YWHAB: variants seen among roughly 807,000 people sequenced by gnomAD.
YWHAB encodes tyrosine 3-monooxygenase/tryptophan 5-monooxygenase activation protein beta.
In YWHAB, 2 loss-of-function variants were observed where a neutral mutation model predicts 28.5. The observed-to-expected ratio is 0.07, with a 90% CI of 0.03 to 0.22. The LOEUF is 0.22. YWHAB is among the 10% of genes least tolerant of loss of function. YWHAB has a pLI of 1.00. For synonymous variants in YWHAB, 103 were observed against 104.7 expected, an observed-to-expected ratio of 0.98 and a Z score of 0.10; for missense variants, 148 against 297.1, an observed-to-expected ratio of 0.50 and a Z score of 3.69.
At chr20:44,898,750 C>G (rs972339155) in intron 1 of YWHAB, among the ~76,000 whole-genome samples, 2 of 152,086 alleles carry the variant, frequency 1.3e-5, no homozygotes, top group Non-Finnish European at 2.9e-5. Context: ...TCGTGATTCA[C>G]CTGCCTCGGC....
chr20:44,899,972 A>T (rs1172755687), intron 1 of YWHAB, among the ~76,000 whole-genome samples: 1 of 152,184 alleles, frequency 6.6e-6, no homozygotes, highest in Non-Finnish European at 1.5e-5. Flanking sequence ...ATAATGCTTT[A>T]TACTTTTTAA....
intron 1 of YWHAB, among the ~76,000 whole-genome samples, chr20:44,891,762 A>G (rs2066563540): frequency 6.6e-6 from 1 of 152,246 alleles, no homozygotes; most frequent in African/African-American, 2.4e-5. Flanking sequence ...AGGGATTTTG[A>G]AATAATAGAA....
chr20:44,904,939 C>A (rs772750635), intron 3 of YWHAB, 29 bp from the exon 4 acceptor site: 2 of 1,559,372 alleles, frequency 1.3e-6, no homozygotes, highest in Non-Finnish European at 8.7e-7. Flanking sequence ...AAGAACCGAG[C>A]CTTTAATATT....
intron 1 of YWHAB, among the ~76,000 whole-genome samples, chr20:44,890,803 C>G (rs112696862): frequency 0.022 from 3,331 of 152,172 alleles, 135 homozygotes; most frequent in African/African-American, 0.075. Context: ...GCCACCACGC[C>G]TGGCTGGATT....
At chr20:44,887,065 C>A (rs1346550896) in intron 1 of YWHAB, 2 of 152,178 alleles carry the variant, frequency 1.3e-5, no homozygotes, top group Non-Finnish European at 1.5e-5. Flanking sequence ...AGTTTGTAGA[C>A]CTGGACACTG....
chr20:44,892,800 A>G (rs1336816969), intron 1 of YWHAB, among the ~76,000 whole-genome samples: 3 of 152,218 alleles, frequency 2.0e-5, no homozygotes, highest in Non-Finnish European at 2.9e-5. Context: ...AAAATCACCT[A>G]CTTTCTCTTT....
intron 2 of YWHAB, chr20:44,903,457 A>C (rs1238199522): frequency 6.6e-6 from 1 of 152,488 alleles, no homozygotes; most frequent in Non-Finnish European, 1.5e-5. Context: ...TTTCCCCTTT[A>C]ATTATAGAAG....
Position 44,907,312 on chromosome 20 carries a change from G to A in YWHAB, c.*874G>A, listed in dbSNP as rs1288187304. The A allele has an allele frequency of 1.3e-5, 2 of 152,438 alleles. No individual in the cohort carries two copies. Among genetic ancestry groups the A allele is most frequent in the African/African-American group, 4.8e-5 (2 of 41,408 alleles). 9.4% of individuals were successfully genotyped at this position (152,438 alleles called of 1,614,324 possible). On this transcript the variant is annotated 3_prime_UTR_variant, in exon 6 of 6. Transcript: ENST00000353703. ...AATGTCCTGAGTCAGGCGTGGTGGT[G>A]CGTGCATCTAGTCCCAACTATTTGG...
rs755875208 is a variant in YWHAB at position 44,901,669 on chromosome 20, C to A, written c.136C>A (p.Leu46Ile). The A allele has an allele frequency of 2.5e-6, 4 of 1,613,838 alleles. No homozygotes were observed. Among genetic ancestry groups the A allele is most frequent in the Non-Finnish European group, 3.4e-6 (4 of 1,179,938 alleles). ...ACTCTCCAACGAAGAGAGAAATCTG[C>A]TCTCTGTTGCCTACAAGAATGTGGT... The part of the protein sequence containing the change: ...HELSNEERNL[L>I]SVAYKNVVGA... The change falls in exon 2 of 6, where the codon CTC becomes ATC. Residue 46 changes from leucine to isoleucine, a missense_variant. By Grantham distance (5) the Leu-to-Ile change is conservative (BLOSUM62 2). This residue lies in a region of YWHAB where 110 missense variants were observed against 177.9 expected (regional missense o/e 0.62). Transcript: ENST00000353703.
chr20:44,903,740 C>T, intron 2 of YWHAB: 1 of 344,054 alleles, frequency 2.9e-6, no homozygotes, highest in Non-Finnish European at 5.3e-6. Context: ...TTTTAAAGGC[C>T]TACAAAACAT....
At position 44,904,103 on chromosome 20, in the gene YWHAB, A is replaced by T. The variant is rs772880168; in HGVS notation, c.411A>T (p.Gly137=). The change falls in exon 3 of 6, where the codon GGA becomes GGT. Residue 137 remains glycine (G), a synonymous_variant. Transcript: ENST00000353703. Reference sequence around the variant, plus strand: ...GGTATCTTTCTGAAGTGGCATCTGGAGACAACAAACAAAGTAAGTAATATC... The same window carrying T: ...GGTATCTTTCTGAAGTGGCATCTGGTGACAACAAACAAAGTAAGTAATATC... The part of the protein sequence containing the change: ...YFRYLSEVAS[G]DNKQTTVSNS... 2.5e-6 allele frequency: 4 copies of T among 1,612,500 alleles called. No homozygotes were observed. The highest frequency in any genetic ancestry group is 2.5e-6 in the Non-Finnish European group (3 of 1,179,556).
intron 1 of YWHAB, among the ~76,000 whole-genome samples, chr20:44,896,792 T>G (rs1240954346): frequency 6.6e-6 from 1 of 152,234 alleles, no homozygotes. Context: ...TGCTGGGTGT[T>G]GTGTAACCCA....
At chr20:44,887,376 A>G (rs1047577561) in intron 1 of YWHAB, 7 of 152,232 alleles carry the variant, frequency 4.6e-5, no homozygotes, top group South Asian at 2.1e-4. Flanking sequence ...CCATTCACCT[A>G]TCTTGCAGAT....
intron 1 of YWHAB, chr20:44,887,064 A>T (rs1301554778): frequency 6.6e-6 from 1 of 152,192 alleles, no homozygotes; most frequent in Non-Finnish European, 1.5e-5. Flanking sequence ...CAGTTTGTAG[A>T]CCTGGACACT....
chr20:44,890,709 C>G (rs2145524381), intron 1 of YWHAB, among the ~76,000 whole-genome samples: 1 of 152,048 alleles, frequency 6.6e-6, no homozygotes, highest in African/African-American at 2.4e-5. Flanking sequence ...CAGGGTTTCG[C>G]CATCTTGGCC....
intron 1 of YWHAB, 47 bp from the exon 2 acceptor site, chr20:44,901,484 C>T: frequency 6.5e-7 from 1 of 1,528,240 alleles, no homozygotes; most frequent in Non-Finnish European, 8.8e-7. Context: ...TTCCTAGGCC[C>T]CGAAACCTGA....
At chr20:44,891,754 G>A (rs1568928861) in intron 1 of YWHAB, among the ~76,000 whole-genome samples, 1 of 152,118 alleles carries the variant, frequency 6.6e-6, no homozygotes, top group South Asian at 2.1e-4. Flanking sequence ...AAGAGGGAAG[G>A]GATTTTGAAA....
At chr20:44,904,444 CAT>C (rs929970366) in intron 3 of YWHAB, among the ~76,000 whole-genome samples, 6 of 151,550 alleles carry the variant, frequency 4.0e-5, no homozygotes, top group African/African-American at 1.4e-4. Context: ...GCATTTATCA[CAT>C]GTATTACCGT....
intron 4 of YWHAB, 67 bp from the exon 5 acceptor site, chr20:44,905,934 G>GA: frequency 6.9e-6 from 9 of 1,295,672 alleles, no homozygotes; most frequent in East Asian, 2.3e-5. Flanking sequence ...CACCTAGCGG[G>GA]AAAAAAAGTG....
Sources: allele counts gnomAD v4.1 joint callset (sites outside exome capture counted in the v4.1 genomes callset), GRCh38; gene constraint gnomAD v4.1.1; regional missense constraint gnomAD v4.1.1; transcripts MANE v1.5; gene names NCBI Gene and HGNC (gene_info 2026-07-23, HGNC 2026-07-21).